Variants in CHST10 observed in about 807,000 individuals in gnomAD.
CHST10 encodes the protein HNK-1 sulfotransferase.
A neutral mutation model predicts 34.7 loss-of-function variants in CHST10; 24 were observed. The ratio of observed to expected loss-of-function variants is 0.69; its 90% CI spans 0.50 to 0.97. The LOEUF is 0.97. CHST10 is among the 50% of genes least tolerant of loss of function. The pLI is 0.00. For missense variants in CHST10, 402 were observed against 452.1 expected, an observed-to-expected ratio of 0.89 and a Z score of 1.00; for synonymous variants, 161 against 169.3, an observed-to-expected ratio of 0.95 and a Z score of 0.38.
intron 4 of CHST10, among the ~76,000 whole-genome samples, chr2:100,399,135 G>A (rs1288157000): frequency 2.1e-5 from 3 of 142,874 alleles, no homozygotes; most frequent in Admixed American, 7.3e-5. Flanking sequence ...ACGGAGTCTC[G>A]TTCTGTGGCC....
At chr2:100,413,804 C>T (rs970512347) in intron 2 of CHST10, among the ~76,000 whole-genome samples, 3 of 152,154 alleles carry the variant, frequency 2.0e-5, no homozygotes, top group African/African-American at 4.8e-5. Context: ...CCTGCCAGGC[C>T]CCACTTTTAA....
chr2:100,411,427 A>T (rs2104249061), intron 2 of CHST10, among the ~76,000 whole-genome samples: 1 of 152,292 alleles, frequency 6.6e-6, no homozygotes, highest in African/African-American at 2.4e-5. Context: ...AAAAATTTAG[A>T]AAACTGGGAC....
chr2:100,396,824 T>TA (rs1675079406), intron 5 of CHST10, among the ~76,000 whole-genome samples: 1 of 152,220 alleles, frequency 6.6e-6, no homozygotes, highest in Non-Finnish European at 1.5e-5. Flanking sequence ...GTTTACTTCT[T>TA]AAAGTATGCT....
chr2:100,412,219 A>C (rs1182941296), intron 2 of CHST10, among the ~76,000 whole-genome samples: 1 of 152,202 alleles, frequency 6.6e-6, no homozygotes, highest in East Asian at 1.9e-4. Flanking sequence ...AACCCGGCAC[A>C]AGCAACCCCG....
At chr2:100,404,196 C>T (rs569291521) in intron 3 of CHST10, among the ~76,000 whole-genome samples, 1 of 152,210 alleles carries the variant, frequency 6.6e-6, no homozygotes, top group Non-Finnish European at 1.5e-5. Flanking sequence ...GTGGTGGTCA[C>T]CCCGCAACGG....
chr2:100,412,645 T>A (rs528205662), intron 2 of CHST10, among the ~76,000 whole-genome samples: 1 of 152,200 alleles, frequency 6.6e-6, no homozygotes, highest in Non-Finnish European at 1.5e-5. Context: ...CTGGGGATCT[T>A]GTTAAAATGC....
At chr2:100,417,229 A>AG (rs1180962329) in intron 1 of CHST10, 145 bp downstream of exon 1, 1 of 424,906 alleles carries the variant, frequency 2.4e-6, no homozygotes, top group Non-Finnish European at 4.5e-6. Flanking sequence ...CCCGCGAACT[A>AG]GGGAGGTCTT....
At chr2:100,402,729 C>A in intron 3 of CHST10, 74 bp from the exon 4 acceptor site, 1 of 1,303,992 alleles carries the variant, frequency 7.7e-7, no homozygotes, top group Non-Finnish European at 1.1e-6. Context: ...AACAGAGGCC[C>A]CAGAAATAGA....
intron 2 of CHST10, among the ~76,000 whole-genome samples, chr2:100,409,179 C>T (rs1292186747): frequency 2.0e-5 from 3 of 152,228 alleles, no homozygotes; most frequent in Non-Finnish European, 2.9e-5. Flanking sequence ...TGATCACCCT[C>T]GCCCGGCCTC....
chr2:100,400,935 C>T (rs1675311410), intron 4 of CHST10, among the ~76,000 whole-genome samples: 1 of 152,218 alleles, frequency 6.6e-6, no homozygotes, highest in East Asian at 1.9e-4. Flanking sequence ...CCCGCCTCGG[C>T]CTCCCAAAGT....
intron 2 of CHST10, among the ~76,000 whole-genome samples, chr2:100,412,802 G>T (rs1028142836): frequency 3.9e-5 from 6 of 152,158 alleles, no homozygotes; most frequent in African/African-American, 1.4e-4. Context: ...GCTAAAAGAG[G>T]TTTAATTAGA....
At chr2:100,398,270 T>A (rs1435083717) in intron 4 of CHST10, 128 bp from the exon 5 acceptor site, 4 of 673,928 alleles carry the variant, frequency 5.9e-6, no homozygotes, top group Non-Finnish European at 1.0e-5. Context: ...CCCTTCCTTG[T>A]CTGTCTACAG....
At chr2:100,400,967 C>T (rs1177153177) in intron 4 of CHST10, among the ~76,000 whole-genome samples, 8 of 152,234 alleles carry the variant, frequency 5.3e-5, no homozygotes, top group Non-Finnish European at 7.3e-5. Context: ...AGGAGTGAGG[C>T]ACCGCACCTG....
rs1300036021 is a variant in CHST10, at chr2:100,392,574, G to A, written c.*671C>T. On this transcript the variant is annotated 3_prime_UTR_variant, in exon 7 of 7. Coordinates refer to ENST00000264249, the MANE Select transcript of CHST10 (RefSeq NM_004854.5). Reference sequence around the variant, plus strand: ...TAGGCGCTTGGCAGACACAGGTTCAGAAGCATGGACCAGCATTACACAGGC... The same window carrying A: ...TAGGCGCTTGGCAGACACAGGTTCAAAAGCATGGACCAGCATTACACAGGC... The A allele has an allele frequency of 6.5e-6, 1 of 153,114 alleles. No homozygotes were observed. Among genetic ancestry groups the A allele is most frequent in the Non-Finnish European group, 1.5e-5 (1 of 68,662 alleles). The allele number at this position is 153,114 out of a possible 1,614,324, so 9.5% of individuals were successfully genotyped here. A position where few individuals can be genotyped will look rare whatever the true frequency, so the allele number is the denominator to read the frequency against.
intron 2 of CHST10, among the ~76,000 whole-genome samples, chr2:100,409,961 T>C (rs1675755422): frequency 1.3e-5 from 2 of 152,194 alleles, no homozygotes; most frequent in African/African-American, 2.4e-5. Flanking sequence ...CCCTGCTTCT[T>C]GTCCCCGGGA....
chr2:100,405,061 G>C (rs1034128310), intron 3 of CHST10, among the ~76,000 whole-genome samples: 1 of 152,228 alleles, frequency 6.6e-6, no homozygotes, highest in Non-Finnish European at 1.5e-5. Context: ...CTGCGGGGAT[G>C]AGAACCCGGC....
intron 4 of CHST10, among the ~76,000 whole-genome samples, chr2:100,398,565 G>A (rs1447735989): frequency 6.6e-6 from 1 of 152,076 alleles, no homozygotes; most frequent in East Asian, 1.9e-4. Context: ...TTAGCTGGGT[G>A]TGGTGGTGCA....
chr2:100,392,880 C>G lies in CHST10; in HGVS notation c.*365G>C. The stretch of plus-strand genomic sequence containing the variant: ...AAGCCACCCTGACTAGCCAGGAGAA[C>G]CTCAGGGGCATCCCCTTCCTTAACA... On this transcript the variant is annotated 3_prime_UTR_variant, in exon 7 of 7. Transcript: ENST00000264249. 1 of 250,552 alleles carries G rather than the reference C, an allele frequency of 4.0e-6. No individual in the cohort carries two copies. Among genetic ancestry groups the G allele is most frequent in the Non-Finnish European group, 7.7e-6 (1 of 129,120 alleles). The allele number at this position is 250,552 out of a possible 1,614,324, so 15.5% of individuals were successfully genotyped here.
intron 4 of CHST10, among the ~76,000 whole-genome samples, chr2:100,401,005 A>G (rs1287994767): frequency 6.6e-6 from 1 of 152,232 alleles, no homozygotes; most frequent in Admixed American, 6.5e-5. Flanking sequence ...AAGGTGAGCT[A>G]CAGAATCTGA....
Sources: allele counts gnomAD v4.1 joint callset (sites outside exome capture counted in the v4.1 genomes callset), GRCh38; gene constraint gnomAD v4.1.1; transcripts MANE v1.5; gene names NCBI Gene and HGNC (gene_info 2026-07-23, HGNC 2026-07-21).